The following MRTFB variants were observed in gnomAD, a reference collection of about 807,000 sequenced individuals.
The protein encoded by MRTFB is myocardin-related transcription factor B.
Under a neutral mutation model 104.2 loss-of-function variants are expected in MRTFB, and 29 were observed. The observed-to-expected ratio is 0.28, with a 90% CI of 0.21 to 0.38. The LOEUF (loss-of-function observed/expected upper bound fraction) is 0.38. Ranked by LOEUF, MRTFB falls within the 10% of genes least tolerant of loss-of-function variation. The pLI is 1.00. For synonymous variants in MRTFB, 535 were observed against 519.5 expected (o/e 1.03, Z -0.41); for missense variants, 1,270 against 1,341.6 (o/e 0.95, Z 0.83).
At chr16:14,113,453 G>A (rs1249990447) in intron 2 of MRTFB, among the ~76,000 whole-genome samples, 1 of 152,260 alleles carries the variant, frequency 6.6e-6, no homozygotes, top group Non-Finnish European at 1.5e-5. Flanking sequence ...GAATGGATCA[G>A]TAAACAGGTA....
intron 2 of MRTFB, chr16:14,092,620 T>C (rs1232156999): frequency 6.6e-6 from 1 of 151,114 alleles, no homozygotes. Flanking sequence ...AGATTATGAT[T>C]AGACTTGTGA....
rs1042463235 is a variant in MRTFB at position 14,071,807 on chromosome 16, C to G, written c.-129+442C>G. Among the ~76,000 whole-genome samples, 10 of 152,324 alleles carry G rather than the reference C, an allele frequency of 6.6e-5. 1 individual carries two copies. In the East Asian group the frequency reaches 1.5e-3, roughly 24 times the overall value. On this transcript the variant is annotated intron_variant, in intron 1 of 16. Transcript: ENST00000571589. ...GGGACCGGGACCCCTGCGCCCCCTTCCTCTTCCCACCTCCCACTCCCCTCA... is the reference window on the plus strand; with the variant it reads ...GGGACCGGGACCCCTGCGCCCCCTTGCTCTTCCCACCTCCCACTCCCCTCA...
chr16:14,212,145 T>A (rs1202382566), intron 4 of MRTFB, among the ~76,000 whole-genome samples: 2 of 152,258 alleles, frequency 1.3e-5, no homozygotes, highest in Admixed American at 6.5e-5. Context: ...ACAATCGTGT[T>A]TTAAATGTCT....
At chr16:14,120,682 A>G (rs2036800237) in intron 2 of MRTFB, among the ~76,000 whole-genome samples, 1 of 152,180 alleles carries the variant, frequency 6.6e-6, no homozygotes, top group Non-Finnish European at 1.5e-5. Context: ...TATCTTAATC[A>G]CTGTGGCTTT....
intron 3 of MRTFB, among the ~76,000 whole-genome samples, chr16:14,167,506 A>T (rs2039284799): frequency 6.6e-6 from 1 of 152,014 alleles, no homozygotes; most frequent in Non-Finnish European, 1.5e-5. Context: ...TCTTTAGTTT[A>T]ATTAGATCCC....
intron 16 of MRTFB, 90 bp from the exon 17 acceptor site, chr16:14,260,819 T>A: frequency 1.8e-6 from 2 of 1,092,452 alleles, no homozygotes; most frequent in Non-Finnish European, 2.6e-6. Context: ...AGGAATCGCA[T>A]AATAGCAATG....
intron 3 of MRTFB, among the ~76,000 whole-genome samples, chr16:14,185,324 A>C (rs1425369262): frequency 6.6e-6 from 1 of 152,248 alleles, no homozygotes; most frequent in Non-Finnish European, 1.5e-5. Flanking sequence ...CAAAGGACAG[A>C]ATACTTCATC....
chr16:14,125,222 G>A (rs1596967784), intron 2 of MRTFB, among the ~76,000 whole-genome samples: 1 of 152,248 alleles, frequency 6.6e-6, no homozygotes, highest in East Asian at 1.9e-4. Flanking sequence ...GTCTCTCTCA[G>A]AGAGGTGGGC....
chr16:14,103,086 G>C (rs1384512424), intron 2 of MRTFB, among the ~76,000 whole-genome samples: 1 of 152,146 alleles, frequency 6.6e-6, no homozygotes, highest in Non-Finnish European at 1.5e-5. Context: ...TCCCTTTGCT[G>C]ATCCTTGGCC....
the MRTFB span, among the ~76,000 whole-genome samples, chr16:14,061,514 T>C: frequency 6.6e-6 from 1 of 150,880 alleles, no homozygotes; most frequent in Admixed American, 6.6e-5. Context: ...AGACAGCAAA[T>C]ATGGAGCAGG....
chr16:14,229,240 T>C (rs1040656409), intron 8 of MRTFB, among the ~76,000 whole-genome samples: 9 of 152,224 alleles, frequency 5.9e-5, no homozygotes, highest in Non-Finnish European at 1.3e-4. Context: ...CTTAAACTTA[T>C]AGGAACAAAT....
the MRTFB span, among the ~76,000 whole-genome samples, chr16:14,017,053 C>CT: frequency 9.5e-6 from 1 of 105,082 alleles, no homozygotes; most frequent in African/African-American, 3.3e-5. Flanking sequence ...CTGCAGTCTT[C>CT]TTCTTTTTTT....
chr16:14,049,219 C>T, the MRTFB span, among the ~76,000 whole-genome samples: 2 of 152,186 alleles, frequency 1.3e-5, no homozygotes, highest in African/African-American at 4.8e-5. Flanking sequence ...AAAACTTGGA[C>T]TAAATCTACA....
intron 8 of MRTFB, among the ~76,000 whole-genome samples, chr16:14,229,305 A>G (rs959040918): frequency 2.0e-5 from 3 of 150,128 alleles, no homozygotes; most frequent in African/African-American, 7.4e-5. Context: ...TAAAATATTC[A>G]TCTATTAAAT....
chr16:14,162,342 TC>T (rs952784512), intron 3 of MRTFB, among the ~76,000 whole-genome samples: 1 of 149,612 alleles, frequency 6.7e-6, no homozygotes, highest in African/African-American at 2.5e-5. Flanking sequence ...CCCCTCTCTT[TC>T]CCCAAAAAGA....
At position 14,248,988 on chromosome 16, in the gene MRTFB, T is replaced by C. The variant is rs2043140224; in HGVS notation, c.2310T>C (p.Thr770=). 2 of 1,614,116 alleles carry C rather than the reference T, an allele frequency of 1.2e-6. No homozygotes were observed. Among genetic ancestry groups the C allele is most frequent in the African/African-American group, 2.7e-5 (2 of 74,934 alleles). The change falls in exon 13 of 17, where the codon ACT becomes ACC. Residue 770 remains threonine (T), a synonymous_variant. Transcript: ENST00000571589. ...TAGCAACTGCTGCACAAATACCAACTGCTGCCTTGGCCTCAGGCTTGGCCC... is the reference window on the plus strand; with the variant it reads ...TAGCAACTGCTGCACAAATACCAACCGCTGCCTTGGCCTCAGGCTTGGCCC... The part of the protein sequence containing the change: ...PQIATAAQIP[T]AALASGLAPT...
chr16:14,191,619 G>A (rs962713306), intron 3 of MRTFB, among the ~76,000 whole-genome samples: 2 of 152,078 alleles, frequency 1.3e-5, no homozygotes, highest in African/African-American at 4.8e-5. Flanking sequence ...TTATTATTAT[G>A]CATAAGTATT....
rs2043802723 is a variant in MRTFB at position 14,262,151 on chromosome 16, T to C, written c.*707T>C. 1 of 152,256 alleles carries C rather than the reference T, an allele frequency of 6.6e-6. No homozygotes were observed. The highest frequency in any genetic ancestry group is 2.4e-5 in the African/African-American group (1 of 41,472). The allele number at this position is 152,256 out of a possible 1,614,324, so 9.4% of individuals were successfully genotyped here. A position where few individuals can be genotyped will look rare whatever the true frequency, so the allele number is the denominator to read the frequency against. On this transcript the variant is annotated 3_prime_UTR_variant, in exon 17 of 17. Transcript: ENST00000571589. ...CAAAATACTGTCAGAAGTCCAGGTA[T>C]ACTGATAACACTGAAAATTCTATTA... is the stretch of plus-strand genomic sequence containing the variant.
chr16:14,035,772 A>G, the MRTFB span, among the ~76,000 whole-genome samples: 1 of 152,052 alleles, frequency 6.6e-6, no homozygotes, highest in African/African-American at 2.4e-5. Context: ...ATTTGGTTAC[A>G]TGAGTAACCA....
Sources: allele counts gnomAD v4.1 joint callset (sites outside exome capture counted in the v4.1 genomes callset), GRCh38; gene constraint gnomAD v4.1.1; transcripts MANE v1.5; gene names NCBI Gene and HGNC (gene_info 2026-07-23, HGNC 2026-07-21).